ADAMTS16: variants seen among roughly 807,000 people sequenced by gnomAD.
ADAMTS16 encodes the protein A disintegrin and metalloproteinase with thrombospondin motifs 16.
A neutral mutation model predicts 145.8 loss-of-function variants in ADAMTS16; 94 were observed. The observed-to-expected ratio is 0.64, with a 90% CI of 0.55 to 0.77. The LOEUF is 0.77. ADAMTS16 is among the 30% of genes least tolerant of loss of function. The probability of loss-of-function intolerance (pLI) is 0.00; values close to 1 mark genes in which losing one functional copy is unlikely to be tolerated. For synonymous variants in ADAMTS16, 659 were observed against 604.3 expected (o/e 1.09, Z -1.33); for missense variants, 1,585 against 1,591.5 (o/e 1.00, Z 0.07).
chr5:5,234,506 G>A (rs62338208), intron 12 of ADAMTS16, among the ~76,000 whole-genome samples: 17,148 of 152,204 alleles, frequency 0.11, 1,038 homozygotes, highest in East Asian at 0.16. Context: ...CTCTTGTAAA[G>A]GATTCACTCA....
intron 3 of ADAMTS16, among the ~76,000 whole-genome samples, chr5:5,165,299 C>T (rs771459156): frequency 1.3e-5 from 2 of 152,110 alleles, no homozygotes; most frequent in Non-Finnish European, 2.9e-5. Context: ...CATTGCTCAG[C>T]GGCGCCCCAT....
At chr5:5,263,462 C>A (rs920048360) in intron 18 of ADAMTS16, among the ~76,000 whole-genome samples, 1 of 152,182 alleles carries the variant, frequency 6.6e-6, no homozygotes. Context: ...TTGTGAAAAC[C>A]AAGGCAGGAT....
chr5:5,318,969 A>G, intron 22 of ADAMTS16, 54 bp from the exon 23 acceptor site: 1 of 1,331,128 alleles, frequency 7.5e-7, no homozygotes, highest in Middle Eastern at 1.8e-4. Context: ...TTAGCTGGCA[A>G]CATCAGTCGC....
At chr5:5,163,836 C>A (rs1462677298) in intron 3 of ADAMTS16, among the ~76,000 whole-genome samples, 2 of 152,048 alleles carry the variant, frequency 1.3e-5, no homozygotes. Context: ...TGGTGGACAC[C>A]CCACAACACC....
At chr5:5,180,372 C>T (rs1735308619) in intron 3 of ADAMTS16, among the ~76,000 whole-genome samples, 2 of 152,140 alleles carry the variant, frequency 1.3e-5, no homozygotes, top group East Asian at 1.9e-4. Context: ...TATGTAATAA[C>T]ATTTATTAGG....
chr5:5,304,292 C>T (rs1739928457), intron 20 of ADAMTS16, among the ~76,000 whole-genome samples: 2 of 152,110 alleles, frequency 1.3e-5, no homozygotes, highest in African/African-American at 4.8e-5. Context: ...GCTGGGAAGC[C>T]GTTTCCTCTA....
intron 11 of ADAMTS16, among the ~76,000 whole-genome samples, chr5:5,228,801 C>T (rs1468253371): frequency 2.0e-5 from 3 of 152,224 alleles, no homozygotes; most frequent in South Asian, 2.1e-4. Context: ...ATCTGCTAGC[C>T]GTAATAAAGA....
intron 9 of ADAMTS16, among the ~76,000 whole-genome samples, chr5:5,202,232 C>T (rs1560946791): frequency 6.6e-6 from 1 of 152,098 alleles, no homozygotes; most frequent in African/African-American, 2.4e-5. Flanking sequence ...GTTCCTCCTC[C>T]AAGGACTAAA....
At chr5:5,268,218 C>T (rs1423109007) in intron 18 of ADAMTS16, among the ~76,000 whole-genome samples, 4 of 152,212 alleles carry the variant, frequency 2.6e-5, no homozygotes, top group African/African-American at 9.6e-5. Context: ...ACTCAGACAT[C>T]ACAAAGCTTC....
chr5:5,263,590 T>C (rs892921343), intron 18 of ADAMTS16, among the ~76,000 whole-genome samples: 1 of 152,142 alleles, frequency 6.6e-6, no homozygotes, highest in Admixed American at 6.5e-5. Flanking sequence ...AGCTGGTCAC[T>C]CTGAAGACAC....
In ADAMTS16 at chr5:5,209,147, G is replaced by C; in HGVS notation, c.1506G>C (p.Lys502Asn). The stretch of plus-strand genomic sequence containing the variant: ...AGCCAAAGCCTGTGAAGGAATACAA[G>C]TATCCTGAGAAATTGCCAGGAGAAT... ...ADQPKPVKEY[K>N]YPEKLPGELY... is the part of the protein sequence containing the mutation. Residue 502 changes from lysine (K) to asparagine (N), a missense_variant, in exon 10 of 23, where the codon AAG becomes AAC. Lys to Asn is a moderately conservative substitution (Grantham distance 94). Around this residue, in one of 3 missense-constraint regions of ADAMTS16, gnomAD observed 298 missense variants for 367.6 expected, o/e 0.81. Transcript: ENST00000274181. 1.9e-6 allele frequency: 3 copies of C among 1,614,016 alleles called. No individual in the cohort carries two copies. Among genetic ancestry groups the C allele is most frequent in the Non-Finnish European group, 2.5e-6 (3 of 1,179,902 alleles).
chr5:5,209,279 A>C, intron 10 of ADAMTS16, 33 bp downstream of exon 10: 1 of 1,609,284 alleles, frequency 6.2e-7, no homozygotes. Flanking sequence ...TCAATGCAAC[A>C]TGATTCATAA....
chr5:5,219,030 C>A (rs967757247), intron 10 of ADAMTS16, among the ~76,000 whole-genome samples: 3 of 152,036 alleles, frequency 2.0e-5, no homozygotes, highest in Non-Finnish European at 4.4e-5. Flanking sequence ...TTGGAAAATG[C>A]GACATTTGGG....
intron 22 of ADAMTS16, among the ~76,000 whole-genome samples, chr5:5,318,629 A>G (rs1014934051): frequency 6.6e-6 from 1 of 152,200 alleles, no homozygotes; most frequent in African/African-American, 2.4e-5. Flanking sequence ...ATCCCTGTGC[A>G]CACACAAAAT....
chr5:5,228,570 C>T (rs1489263556), intron 11 of ADAMTS16, among the ~76,000 whole-genome samples: 1 of 151,904 alleles, frequency 6.6e-6, no homozygotes, highest in East Asian at 1.9e-4. Flanking sequence ...CAATAACCAC[C>T]CTTCAAACAG....
At chr5:5,244,859 T>C (rs1737394421) in intron 17 of ADAMTS16, among the ~76,000 whole-genome samples, 9 of 152,228 alleles carry the variant, frequency 5.9e-5, no homozygotes. Flanking sequence ...TCATGTTTCA[T>C]GGCCATTCAG....
intron 11 of ADAMTS16, among the ~76,000 whole-genome samples, chr5:5,225,238 G>A (rs1579323240): frequency 1.3e-5 from 2 of 151,910 alleles, no homozygotes; most frequent in South Asian, 2.1e-4. Flanking sequence ...GGGAGGGGGC[G>A]GGACAAAAAT....
intron 8 of ADAMTS16, among the ~76,000 whole-genome samples, chr5:5,196,845 G>A (rs76821133): frequency 6.6e-6 from 1 of 152,100 alleles, no homozygotes; most frequent in Non-Finnish European, 1.5e-5. Context: ...AACTGAGGCT[G>A]GGGGGGTCAA....
chr5:5,153,251 G>T (rs2126514983), intron 3 of ADAMTS16, among the ~76,000 whole-genome samples: 1 of 152,292 alleles, frequency 6.6e-6, no homozygotes, highest in Non-Finnish European at 1.5e-5. Context: ...TGTTAAATTT[G>T]CAGTGTGTAA....
Sources: allele counts gnomAD v4.1 joint callset (sites outside exome capture counted in the v4.1 genomes callset), GRCh38; gene constraint gnomAD v4.1.1; regional missense constraint gnomAD v4.1.1; transcripts MANE v1.5; gene names NCBI Gene and HGNC (gene_info 2026-07-23, HGNC 2026-07-21).